Variants in ZNF469 observed in about 807,000 individuals in gnomAD.
ZNF469 encodes zinc finger protein 469.
Under a neutral mutation model 1.0 loss-of-function variants are expected in ZNF469, and 1 was observed. That is an observed-to-expected ratio of 1.00 (90% CI 0.35 to 4.73). The LOEUF is 4.73. Ranked by LOEUF, ZNF469 falls within the 30% of genes most tolerant of loss-of-function variation. ZNF469 has a pLI of 0.16. For missense variants in ZNF469, 6,100 were observed against 5,356.3 expected (o/e 1.14, Z -4.33); for synonymous variants, 2,703 against 2,363.4 (o/e 1.14, Z -4.17).
At chr16:88,364,896 C>T in the ZNF469 span, among the ~76,000 whole-genome samples, 10 of 152,218 alleles carry the variant, frequency 6.6e-5, no homozygotes, top group South Asian at 2.1e-4. Flanking sequence ...ACCCAAGGGG[C>T]GGGGGTTACA....
chr16:88,281,807 T>G, the ZNF469 span, among the ~76,000 whole-genome samples: 40 of 151,550 alleles, frequency 2.6e-4, no homozygotes, highest in East Asian at 7.8e-3. Flanking sequence ...CTGTGTCAAT[T>G]TTGGCACACA....
At chr16:88,345,308 C>T in the ZNF469 span, among the ~76,000 whole-genome samples, 27 of 152,374 alleles carry the variant, frequency 1.8e-4, no homozygotes, top group Admixed American at 1.8e-3. Flanking sequence ...GCTGCCACCA[C>T]ACACAGGGCT....
At chr16:88,168,062 T>A in the ZNF469 span, among the ~76,000 whole-genome samples, 1 of 152,370 alleles carries the variant, frequency 6.6e-6, no homozygotes, top group South Asian at 2.1e-4. This position sits in a 1 kb window ranked among gnomAD's most constrained non-coding sequence, Gnocchi z 4.3. Context: ...ACGTGAGCCA[T>A]GTGTCCCTTA....
At chr16:88,362,537 AT>A in the ZNF469 span, among the ~76,000 whole-genome samples, 582 of 151,854 alleles carry the variant, frequency 3.8e-3, 4 homozygotes, top group African/African-American at 0.013. Flanking sequence ...CTGGGTTGAC[AT>A]TTTTTTTCTT....
At chr16:88,243,846 G>A in the ZNF469 span, among the ~76,000 whole-genome samples, 672 of 147,232 alleles carry the variant, frequency 4.6e-3, 14 homozygotes, top group African/African-American at 0.016. Context: ...ATGGATGGGT[G>A]CATGGATGGA....
chr16:88,436,728 G>C lies in ZNF469; in HGVS notation c.9258G>C (p.Gly3086=), dbSNP rs908331315. 12 of 1,548,646 alleles carry C rather than the reference G, an allele frequency of 7.7e-6. No individual in the cohort carries two copies. The Admixed American group carries it at 1.8e-4, about 23-fold the overall frequency. ...TCGAGGGCACGGCGAGCTCACAGGG[G>C]CCACAGAGCCGAAGGACAGAGGAGG... ...LDFEGTASSQ[G]PQSRRTEEAA... Residue 3086 remains glycine, a synonymous_variant, in exon 3 of 3, where the codon GGG becomes GGC. Coordinates refer to ENST00000565624, the MANE Select transcript of ZNF469 (RefSeq NM_001367624.2).
chr16:88,258,347 G>A, the ZNF469 span, among the ~76,000 whole-genome samples: 22 of 152,350 alleles, frequency 1.4e-4, no homozygotes, highest in Admixed American at 4.6e-4. Context: ...TTTGCTCAAG[G>A]AAGGTTCCTG....
At chr16:88,244,785 C>T in the ZNF469 span, among the ~76,000 whole-genome samples, 2 of 139,532 alleles carry the variant, frequency 1.4e-5, no homozygotes, top group Non-Finnish European at 3.0e-5. Flanking sequence ...ATAAAACAGT[C>T]ACCTAAGTTT....
the ZNF469 span, among the ~76,000 whole-genome samples, chr16:88,185,473 C>T: frequency 5.9e-5 from 8 of 135,576 alleles, no homozygotes; most frequent in Admixed American, 2.9e-4. Flanking sequence ...CACACTCACA[C>T]ATTTGCACAC....
chr16:88,116,125 A>G, the ZNF469 span, among the ~76,000 whole-genome samples: 6 of 152,282 alleles, frequency 3.9e-5, no homozygotes, highest in East Asian at 1.2e-3. Context: ...AACTCTCAAA[A>G]CTCAACCGTG....
rs879742916 is a variant in ZNF469 at position 88,395,281 on chromosome 16, G to T, written c.-192+12027G>T. ...TGGATGGATGGATGGATGGATGGATGGATGGGTGGATGGATTGATGGGTTG... is the reference window on the plus strand; with the variant it reads ...TGGATGGATGGATGGATGGATGGATTGATGGGTGGATGGATTGATGGGTTG... On this transcript the variant is annotated intron_variant, in intron 1 of 2. Transcript: ENST00000565624. Among the ~76,000 whole-genome samples the T allele has an allele frequency of 5.9e-3, 579 of 98,634 alleles. 5 individuals carry two copies. The highest frequency in any genetic ancestry group is 0.01 in the Non-Finnish European group (465 of 45,328). 64.7% of individuals were successfully genotyped at this position (98,634 alleles called of 152,430 possible).
the ZNF469 span, among the ~76,000 whole-genome samples, chr16:88,123,240 G>C: frequency 6.6e-6 from 1 of 152,072 alleles, no homozygotes; most frequent in Non-Finnish European, 1.5e-5. Context: ...CCAGGGTTTC[G>C]TGTCCATGGA....
the ZNF469 span, among the ~76,000 whole-genome samples, chr16:88,198,956 G>T: frequency 6.6e-6 from 1 of 152,224 alleles, no homozygotes; most frequent in Non-Finnish European, 1.5e-5. Flanking sequence ...TTGACAAGAC[G>T]CTGCTGCCGC....
chr16:88,437,288 C>T lies in ZNF469; in HGVS notation c.9818C>T (p.Pro3273Leu), dbSNP rs1906656593. The change falls in exon 3 of 3, where the codon CCC becomes CTC. Residue 3273 changes from proline (P) to leucine (L), a missense_variant. By Grantham distance (98) the Pro-to-Leu change is moderately conservative. Transcript: ENST00000565624. Reference sequence around the variant, plus strand: ...GACAGCCCGGGCGAGAGGGCGAAACCCCGGGCACGCAGCACCCCCAGCAAC... The same window carrying T: ...GACAGCCCGGGCGAGAGGGCGAAACTCCGGGCACGCAGCACCCCCAGCAAC... ...KKDSPGERAK[P>L]RARSTPSNPD... 3 of 1,547,680 alleles carry T rather than the reference C, an allele frequency of 1.9e-6. No individual in the cohort carries two copies. The highest frequency in any genetic ancestry group is 1.4e-5 in the African/African-American group (1 of 72,896).
At chr16:88,143,631 G>A in the ZNF469 span, among the ~76,000 whole-genome samples, 3 of 152,258 alleles carry the variant, frequency 2.0e-5, no homozygotes, top group African/African-American at 4.8e-5. Flanking sequence ...TGTCAGACAC[G>A]GGTGAAAATG....
At chr16:88,320,126 C>T in the ZNF469 span, among the ~76,000 whole-genome samples, 3 of 152,224 alleles carry the variant, frequency 2.0e-5, no homozygotes, top group African/African-American at 4.8e-5. Flanking sequence ...TTACAGAGCA[C>T]GGGGGAAGCT....
At position 88,434,770 on chromosome 16, in the gene ZNF469, C is replaced by T. The variant is rs1326987889; in HGVS notation, c.7300C>T (p.Pro2434Ser). The T allele has an allele frequency of 6.5e-7, 1 of 1,550,254 alleles. No homozygotes were observed. Among genetic ancestry groups the T allele is most frequent in the African/African-American group, 1.4e-5 (1 of 73,060 alleles). The change falls in exon 3 of 3, where the codon CCC becomes TCC. Residue 2434 changes from proline (P) to serine (S), a missense_variant. By Grantham distance (74) the Pro-to-Ser change is moderately conservative. Transcript: ENST00000565624. ...QSHRNASHQT[P>S]QGDPLGPQDL... ...CCACAGAAATGCCTCCCACCAGACT[C>T]CCCAGGGGGACCCCCTCGGCCCCCA...
chr16:88,344,867 C>T, the ZNF469 span, among the ~76,000 whole-genome samples: 4 of 152,320 alleles, frequency 2.6e-5, no homozygotes, highest in East Asian at 1.9e-4. Context: ...TCCCGCGTGT[C>T]GAACCCGTCA....
chr16:88,239,158 G>A, the ZNF469 span, among the ~76,000 whole-genome samples: 4 of 152,170 alleles, frequency 2.6e-5, no homozygotes, highest in African/African-American at 9.7e-5. Context: ...GGTGAGGGAG[G>A]TGGGGTTGTG....
Sources: gnomAD v4.1 joint callset for allele counts (sites outside exome capture counted in the v4.1 genomes callset) on GRCh38, gnomAD v4.1.1 for gene constraint, Gnocchi (gnomAD v3.1) non-coding constraint, MANE v1.5 for transcripts, NCBI Gene and HGNC (gene_info 2026-07-23, HGNC 2026-07-21) for gene names.